The following IL1RAPL2 variants were observed in gnomAD, a reference collection of about 807,000 sequenced individuals.
IL1RAPL2 encodes X-linked interleukin-1 receptor accessory protein-like 2.
In IL1RAPL2, 3 loss-of-function variants were observed where a neutral mutation model predicts 44.1. That is an observed-to-expected ratio of 0.07 (90% CI 0.03 to 0.18). The LOEUF is 0.18. Ranked by LOEUF, IL1RAPL2 falls within the 10% of genes least tolerant of loss-of-function variation. The probability of loss-of-function intolerance (pLI) is 1.00; values close to 1 mark genes in which losing one functional copy is unlikely to be tolerated. For synonymous variants in IL1RAPL2, 181 were observed against 178.8 expected (o/e 1.01, Z -0.10); for missense variants, 391 against 496.4 (o/e 0.79, Z 2.02).
At chrX:105,205,065 G>C (rs1164844533) in intron 3 of IL1RAPL2, among the ~76,000 whole-genome samples, 1 of 111,083 alleles carries the variant, frequency 9.0e-6, no homozygotes, top group African/African-American at 3.3e-5. Context: ...CTGGGTAATC[G>C]TAATTCTACA....
intron 4 of IL1RAPL2, among the ~76,000 whole-genome samples, chrX:105,243,567 G>GTATA (rs1178955820): frequency 3.8e-4 from 31 of 80,665 alleles, no homozygotes; most frequent in African/African-American, 2.1e-3. Flanking sequence ...ATATATGTGT[G>GTATA]TATATATATA....
intron 2 of IL1RAPL2, among the ~76,000 whole-genome samples, chrX:104,995,515 G>A (rs1487362744): frequency 1.8e-5 from 2 of 111,571 alleles, no homozygotes; most frequent in Non-Finnish European, 3.8e-5. Context: ...TTCACAAAAT[G>A]TGCCCATTGT....
In IL1RAPL2 at chrX:104,844,614, C is replaced by CAAAG. The variant is rs764411061; in HGVS notation, c.82+185622_82+185623insGAAA. ...TAGATCATGAGCTAAAACAAACAAA[C>CAAAG]AAAAACAGAAAACAAAAACACAAAA... On this transcript the variant is annotated intron_variant, in intron 2 of 10. Transcript: ENST00000372582. Among the ~76,000 whole-genome samples, 19 of 111,186 alleles carry CAAAG rather than the reference C, an allele frequency of 1.7e-4. 1 individual carries two copies. The East Asian group carries it at 5.1e-3, about 30-fold the overall frequency.
chrX:104,681,157 A>G (rs1048970374), intron 2 of IL1RAPL2, among the ~76,000 whole-genome samples: 1 of 112,184 alleles, frequency 8.9e-6, no homozygotes, highest in African/African-American at 3.2e-5. Flanking sequence ...TTGATTGATC[A>G]GGGTCTTTCC....
intron 2 of IL1RAPL2, among the ~76,000 whole-genome samples, chrX:104,768,567 G>A (rs764707568): frequency 1.9e-4 from 21 of 111,348 alleles, no homozygotes; most frequent in Non-Finnish European, 3.8e-4. Context: ...GGGACTGGTG[G>A]CATTTGGAAT....
chrX:104,833,237 T>A (rs1049384279), intron 2 of IL1RAPL2, among the ~76,000 whole-genome samples: 4 of 111,020 alleles, frequency 3.6e-5, no homozygotes, highest in African/African-American at 1.3e-4. Flanking sequence ...TCTCCTGGGC[T>A]CAAGTGATCC....
intron 2 of IL1RAPL2, among the ~76,000 whole-genome samples, chrX:105,019,990 G>C (rs2031256445): frequency 9.0e-6 from 1 of 110,553 alleles, no homozygotes; most frequent in Non-Finnish European, 1.9e-5. Context: ...CCTAGGAACT[G>C]ATTGTGTTTT....
chrX:105,351,786 A>T (rs2035157308), intron 5 of IL1RAPL2, among the ~76,000 whole-genome samples: 1 of 111,220 alleles, frequency 9.0e-6, no homozygotes, highest in Non-Finnish European at 1.9e-5. Context: ...TAATAATAAT[A>T]AAAAAAATCT....
chrX:105,738,593 G>T (rs12010340), intron 7 of IL1RAPL2, among the ~76,000 whole-genome samples: 1 of 111,271 alleles, frequency 9.0e-6, no homozygotes, highest in Non-Finnish European at 1.9e-5. Flanking sequence ...ACCTACTCCA[G>T]AGCTAAACTG....
chrX:105,633,746 C>G lies in IL1RAPL2; in HGVS notation c.773-83621C>G, dbSNP rs949070052. 2.7e-5 allele frequency among the ~76,000 whole-genome samples: 3 copies of G among 111,082 alleles called. No homozygotes were observed. In the Admixed American group the frequency reaches 2.9e-4, roughly 11 times the overall value. ...TGTAATGCACATATATATACACACA[C>G]TCATGCACCCACTAAAACTCCCTAA... On this transcript the variant is annotated intron_variant, in intron 6 of 10. Transcript: ENST00000372582.
intron 5 of IL1RAPL2, among the ~76,000 whole-genome samples, chrX:105,347,959 A>G (rs1365809840): frequency 1.4e-4 from 16 of 111,762 alleles, no homozygotes; most frequent in Non-Finnish European, 2.6e-4. Context: ...AAAAATATCC[A>G]TGAAAAGTAT....
intron 2 of IL1RAPL2, among the ~76,000 whole-genome samples, chrX:104,978,342 T>A (rs1425752962): frequency 4.5e-5 from 5 of 111,621 alleles, no homozygotes; most frequent in African/African-American, 1.6e-4. Context: ...TGGTAATATT[T>A]CTAAGTTGGT....
At chrX:105,353,547 C>A (rs1239716586) in intron 5 of IL1RAPL2, among the ~76,000 whole-genome samples, 8 of 111,688 alleles carry the variant, frequency 7.2e-5, no homozygotes, top group Non-Finnish European at 9.4e-5. Context: ...CACGATATTG[C>A]TTCTTCCTAT....
At chrX:105,197,888 G>A (rs1366739090) in intron 3 of IL1RAPL2, among the ~76,000 whole-genome samples, 1 of 110,822 alleles carries the variant, frequency 9.0e-6, no homozygotes, top group Non-Finnish European at 1.9e-5. Context: ...TACCTGATAG[G>A]TAGTTTTTTG....
At chrX:105,195,985 A>C (rs896221237) in intron 3 of IL1RAPL2, among the ~76,000 whole-genome samples, 1 of 111,963 alleles carries the variant, frequency 8.9e-6, no homozygotes, top group Non-Finnish European at 1.9e-5. Flanking sequence ...TTAATTTAGA[A>C]AATTTTGTGA....
intron 2 of IL1RAPL2, among the ~76,000 whole-genome samples, chrX:104,875,874 C>T (rs1417590506): frequency 1.8e-5 from 2 of 111,083 alleles, no homozygotes. Flanking sequence ...TCTATCTTGC[C>T]TGCTAGAATA....
chrX:105,733,349 G>A (rs1202209552), intron 7 of IL1RAPL2, among the ~76,000 whole-genome samples: 1 of 110,752 alleles, frequency 9.0e-6, no homozygotes, highest in African/African-American at 3.3e-5. Context: ...CTAGGTGTAG[G>A]TTTTTTGGTA....
intron 2 of IL1RAPL2, among the ~76,000 whole-genome samples, chrX:104,963,040 A>C (rs928963725): frequency 1.8e-5 from 2 of 111,853 alleles, no homozygotes; most frequent in African/African-American, 6.5e-5. Context: ...GTCCCATTAC[A>C]TGCCTCCGCC....
chrX:105,090,697 C>T (rs761623485), intron 2 of IL1RAPL2, among the ~76,000 whole-genome samples: 30 of 112,242 alleles, frequency 2.7e-4, no homozygotes, highest in Non-Finnish European at 2.8e-4. Flanking sequence ...TTGAGGACAT[C>T]CTCCAAATGA....
Sources: allele counts gnomAD v4.1 joint callset (sites outside exome capture counted in the v4.1 genomes callset), GRCh38; gene constraint gnomAD v4.1.1; transcripts MANE v1.5; gene names NCBI Gene and HGNC (gene_info 2026-07-23, HGNC 2026-07-21).